TTC7B: variants seen among roughly 807,000 people sequenced by gnomAD.
TTC7B encodes the protein tetratricopeptide repeat protein 7B.
TTC7B carries 28 observed loss-of-function variants against 106.8 expected under a neutral mutation model. The ratio of observed to expected loss-of-function variants is 0.26; its 90% CI spans 0.19 to 0.36. TTC7B has a LOEUF of 0.36. TTC7B is among the 10% of genes least tolerant of loss of function. The pLI is 1.00. For missense variants in TTC7B, 862 were observed against 1,076.4 expected, an observed-to-expected ratio of 0.80 and a Z score of 2.79; for synonymous variants, 405 against 430.6, an observed-to-expected ratio of 0.94 and a Z score of 0.74.
rs758883044 is a variant in TTC7B at position 90,788,256 on chromosome 14, C to T, written c.122-1928G>A. On this transcript the variant is annotated intron_variant, in intron 1 of 19. Coordinates refer to ENST00000328459, the MANE Select transcript of TTC7B (RefSeq NM_001010854.2). ...ACAGAGTACACTGGGGTACAAAGTG[C>T]GACTCCAGTGCGTGGGGCCGGTCCA... 5.3e-5 allele frequency among the ~76,000 whole-genome samples: 8 copies of T among 152,250 alleles called. No individual in the cohort carries two copies. In the East Asian group the frequency reaches 7.7e-4, roughly 15 times the overall value.
chr14:90,680,629 A>AT, intron 7 of TTC7B, 94 bp from the exon 8 acceptor site: 2 of 832,996 alleles, frequency 2.4e-6, no homozygotes, highest in East Asian at 5.2e-5. Context: ...AGAATTTTAT[A>AT]TAATACCCAT....
At position 90,532,323 on chromosome 14, in the gene TTC7B, C is replaced by CTAT. The variant is rs946034824; in HGVS notation, c.*9042_*9044dup. 6 of 152,292 alleles carry CTAT rather than the reference C, an allele frequency of 3.9e-5. No homozygotes were observed. The highest frequency in any genetic ancestry group is 1.4e-4 in the African/African-American group (6 of 41,578). 9.4% of individuals were successfully genotyped at this position (152,292 alleles called of 1,614,324 possible). On this transcript the variant is annotated 3_prime_UTR_variant, in exon 20 of 20. Transcript: ENST00000328459. Reference sequence around the variant, plus strand: ...CTGGAGATAATTTAAAGTTGATCCCCTATTTGTACATTACAGGATGCTCTT... The same window carrying CTAT: ...CTGGAGATAATTTAAAGTTGATCCCCTATTATTTGTACATTACAGGATGCTCTT...
At chr14:90,616,020 A>T (rs935181579) in intron 16 of TTC7B, among the ~76,000 whole-genome samples, 1 of 152,210 alleles carries the variant, frequency 6.6e-6, no homozygotes, top group Non-Finnish European at 1.5e-5. Flanking sequence ...AAGTATTTTT[A>T]AAAAGCTTTC....
At chr14:90,744,020 C>T (rs1889865098) in intron 4 of TTC7B, among the ~76,000 whole-genome samples, 1 of 152,226 alleles carries the variant, frequency 6.6e-6, no homozygotes, top group African/African-American at 2.4e-5. Context: ...AAGGCTGAGA[C>T]CATCCCTGAT....
At chr14:90,726,729 C>T (rs1289424872) in intron 5 of TTC7B, among the ~76,000 whole-genome samples, 1 of 152,208 alleles carries the variant, frequency 6.6e-6, no homozygotes, top group Non-Finnish European at 1.5e-5. Flanking sequence ...CAAGCGCTTG[C>T]TTTGGCGAGG....
At chr14:90,778,590 C>CCACACACA (rs10611473) in intron 3 of TTC7B, among the ~76,000 whole-genome samples, 1 of 150,784 alleles carries the variant, frequency 6.6e-6, no homozygotes, top group Non-Finnish European at 1.5e-5. Context: ...CTGTTGCTGG[C>CCACACACA]CACACACACA....
In TTC7B at chr14:90,535,206, G is replaced by C. The variant is rs975390136; in HGVS notation, c.*6162C>G. On this transcript the variant is annotated 3_prime_UTR_variant, in exon 20 of 20. Coordinates refer to ENST00000328459, the MANE Select transcript of TTC7B (RefSeq NM_001010854.2). ...AGACGAGCCCATGGATCCCAAATGG[G>C]GCTGGGGATGGGAAGTGGCCTGCCC... 2 of 152,640 alleles carry C rather than the reference G, an allele frequency of 1.3e-5. No homozygotes were observed. Among genetic ancestry groups the C allele is most frequent in the Non-Finnish European group, 2.9e-5 (2 of 68,424 alleles). The allele number at this position is 152,640 out of a possible 1,614,324, so 9.5% of individuals were successfully genotyped here.
At chr14:90,568,453 G>A (rs1053829613) in intron 19 of TTC7B, among the ~76,000 whole-genome samples, 1 of 152,134 alleles carries the variant, frequency 6.6e-6, no homozygotes, top group African/African-American at 2.4e-5. Context: ...TGTACTGCCC[G>A]TAATTAGTCA....
chr14:90,548,214 G>A (rs563236417), intron 19 of TTC7B, among the ~76,000 whole-genome samples: 4 of 152,316 alleles, frequency 2.6e-5, no homozygotes, highest in East Asian at 1.9e-4. Context: ...CATCACAGCC[G>A]GCCTGGATTC....
intron 13 of TTC7B, 37 bp downstream of exon 13, chr14:90,652,804 T>C: frequency 6.2e-7 from 1 of 1,610,780 alleles, no homozygotes; most frequent in Non-Finnish European, 8.5e-7. Flanking sequence ...TTGGTGTCAT[T>C]ATGTACAGCC....
At chr14:90,763,248 G>T (rs766559167) in intron 3 of TTC7B, among the ~76,000 whole-genome samples, 1 of 152,014 alleles carries the variant, frequency 6.6e-6, no homozygotes, top group Admixed American at 6.6e-5. Context: ...ATCATTCAAC[G>T]TAAAATGCAA....
At chr14:90,640,449 AATACATACACATGTTTAAGATACGT>A (rs1264412194) in intron 15 of TTC7B, among the ~76,000 whole-genome samples, 1 of 152,202 alleles carries the variant, frequency 6.6e-6, no homozygotes, top group Non-Finnish European at 1.5e-5. Flanking sequence ...ATACCTAGGA[AATACATACACATGTTTAAGATACGT>A]GTAAGTATAT....
chr14:90,704,434 G>T (rs1045140891), intron 5 of TTC7B, among the ~76,000 whole-genome samples: 3 of 152,244 alleles, frequency 2.0e-5, no homozygotes, highest in African/African-American at 7.2e-5. Flanking sequence ...GCCCACAGCA[G>T]AAGAGCTGGG....
At chr14:90,776,338 T>C (rs1054663884) in intron 3 of TTC7B, among the ~76,000 whole-genome samples, 1 of 151,920 alleles carries the variant, frequency 6.6e-6, no homozygotes, top group Non-Finnish European at 1.5e-5. Context: ...TTCTCAGGAG[T>C]TGGGCGAGGG....
chr14:90,646,929 A>G, intron 14 of TTC7B, 22 bp downstream of exon 14: 3 of 1,604,928 alleles, frequency 1.9e-6, no homozygotes, highest in Non-Finnish European at 2.6e-6. Context: ...CAGCAAGTAT[A>G]GGAAACATTA....
At position 90,757,468 on chromosome 14, in the gene TTC7B, A is replaced by G. The variant is rs946888091; in HGVS notation, c.446-12546T>C. 3.3e-5 allele frequency among the ~76,000 whole-genome samples: 5 copies of G among 152,000 alleles called. No homozygotes were observed. Among genetic ancestry groups the G allele is most frequent in the African/African-American group, 1.2e-4 (5 of 41,376 alleles). The stretch of plus-strand genomic sequence containing the variant: ...CTAAAAAAAGAAAGAAAGAAAAGAA[A>G]AGCAGATTCTCAAGGAAAAAAGATC... On this transcript the variant is annotated intron_variant, in intron 3 of 19. Transcript: ENST00000328459. This position sits in a 1 kb window ranked among gnomAD's most constrained non-coding sequence, Gnocchi z 4.1.
intron 15 of TTC7B, chr14:90,642,766 T>C (rs1431131173): frequency 1.3e-5 from 2 of 152,192 alleles, no homozygotes; most frequent in African/African-American, 2.4e-5. Context: ...CAGTTTACAG[T>C]GATAGTTCTT....
At chr14:90,716,587 T>A (rs1260899274) in intron 5 of TTC7B, among the ~76,000 whole-genome samples, 1 of 152,130 alleles carries the variant, frequency 6.6e-6, no homozygotes, top group African/African-American at 2.4e-5. Context: ...GGCAACAGTT[T>A]TTTGTTTGTT....
Position 90,529,316 on chromosome 14 carries a change from A to C in TTC7B, c.*12052T>G, listed in dbSNP as rs907526810. 8 of 152,418 alleles carry C rather than the reference A, an allele frequency of 5.2e-5. No individual in the cohort carries two copies. Among genetic ancestry groups the C allele is most frequent in the African/African-American group, 1.7e-4 (7 of 41,464 alleles). 9.4% of individuals were successfully genotyped at this position (152,418 alleles called of 1,614,324 possible). A position where few individuals can be genotyped will look rare whatever the true frequency, so the allele number is the denominator to read the frequency against. On this transcript the variant is annotated 3_prime_UTR_variant, in exon 20 of 20. Coordinates refer to ENST00000328459, the MANE Select transcript of TTC7B (RefSeq NM_001010854.2). ...ACCACCGCTAATGACTGGCTACCAC[A>C]CAGAGGTTCCAGGCAGAGTCTAGCT...
Sources: allele counts gnomAD v4.1 joint callset (sites outside exome capture counted in the v4.1 genomes callset), GRCh38; gene constraint gnomAD v4.1.1; non-coding constraint Gnocchi (gnomAD v3.1); transcripts MANE v1.5; gene names NCBI Gene and HGNC (gene_info 2026-07-23, HGNC 2026-07-21).